Variants in TRPC4 observed in about 807,000 individuals in gnomAD.
The protein encoded by TRPC4 is short transient receptor potential channel 4.
A neutral mutation model predicts 99.4 loss-of-function variants in TRPC4; 49 were observed. That is an observed-to-expected ratio of 0.49 (90% CI 0.39 to 0.63). TRPC4 has a LOEUF of 0.63. Among genes scored for constraint, TRPC4 ranks in the 20% least tolerant of loss-of-function variants. The probability of loss-of-function intolerance (pLI) is 0.00; values close to 1 mark genes in which losing one functional copy is unlikely to be tolerated. For synonymous variants in TRPC4, 454 were observed against 425.9 expected (o/e 1.07, Z -0.81); for missense variants, 898 against 1,152.9 (o/e 0.78, Z 3.20).
intron 4 of TRPC4, among the ~76,000 whole-genome samples, chr13:37,685,748 A>G (rs949944636): frequency 6.6e-6 from 1 of 152,080 alleles, no homozygotes; most frequent in African/African-American, 2.4e-5. Flanking sequence ...TGTGTATCAA[A>G]TTTATATTGC....
chr13:37,665,090 A>G lies in TRPC4; in HGVS notation c.1375-1361T>C, dbSNP rs1952595361. 4.6e-5 allele frequency among the ~76,000 whole-genome samples: 7 copies of G among 152,210 alleles called. No homozygotes were observed. In the South Asian group the frequency reaches 1.4e-3, roughly 31 times the overall value. ...TAAGATGTTTTTCTCTTTCATTATG[A>G]CAAGTGTCAGAGTGAAACTTGGATA... On this transcript the variant is annotated intron_variant, in intron 5 of 10. Transcript: ENST00000379705.
At position 37,776,316 on chromosome 13, in the gene TRPC4, A is replaced by C. The variant is rs574722846; in HGVS notation, c.378+6640T>G. 3.8e-4 allele frequency among the ~76,000 whole-genome samples: 58 copies of C among 151,898 alleles called. 1 individual carries two copies. The highest frequency in any genetic ancestry group is 7.7e-4 in the Non-Finnish European group (52 of 67,916). On this transcript the variant is annotated intron_variant, in intron 2 of 10. Coordinates refer to ENST00000379705, the MANE Select transcript of TRPC4 (RefSeq NM_016179.4). ...CGGCAGAATAAGAAAATAGTCTAAG[A>C]AACTTTCCTATTGATAAATCGATAT...
intron 4 of TRPC4, among the ~76,000 whole-genome samples, chr13:37,677,766 A>C (rs746984857): frequency 6.6e-6 from 1 of 152,178 alleles, no homozygotes; most frequent in African/African-American, 2.4e-5. Context: ...ACAGAAATTT[A>C]GTAATGATAT....
chr13:37,689,854 T>G (rs984061535), intron 4 of TRPC4, among the ~76,000 whole-genome samples: 1 of 152,232 alleles, frequency 6.6e-6, no homozygotes, highest in Non-Finnish European at 1.5e-5. Flanking sequence ...TACCCATTTA[T>G]CCCAGTAAAA....
At chr13:37,786,683 C>G (rs1417038962) in intron 1 of TRPC4, among the ~76,000 whole-genome samples, 11 of 151,972 alleles carry the variant, frequency 7.2e-5, no homozygotes, top group Admixed American at 7.2e-4. Flanking sequence ...TGGTCCTCCA[C>G]TTTTAGAATA....
intron 3 of TRPC4, among the ~76,000 whole-genome samples, chr13:37,714,908 G>A (rs1380159698): frequency 6.6e-6 from 1 of 152,088 alleles, no homozygotes; most frequent in Non-Finnish European, 1.5e-5. Flanking sequence ...TTACACAAGG[G>A]CAAGAACTCT....
At chr13:37,842,343 C>CAAAAA (rs57428116) in intron 1 of TRPC4, among the ~76,000 whole-genome samples, 24 of 15,628 alleles carry the variant, frequency 1.5e-3, no homozygotes, top group African/African-American at 2.8e-3. Context: ...AGCGTCTAGC[C>CAAAAA]AAAAAAAAAA....
At chr13:37,850,622 A>T (rs755771820) in intron 1 of TRPC4, among the ~76,000 whole-genome samples, 5 of 152,240 alleles carry the variant, frequency 3.3e-5, no homozygotes, top group Non-Finnish European at 5.9e-5. Flanking sequence ...ATGTTTCAAC[A>T]TAAAAATTAA....
At chr13:37,673,025 T>C (rs180811314) in intron 5 of TRPC4, among the ~76,000 whole-genome samples, 121 of 152,042 alleles carry the variant, frequency 8.0e-4, no homozygotes, top group Admixed American at 2.6e-3. Context: ...ATACATGTGC[T>C]GTGTTGGTGT....
At chr13:37,650,633 A>ACACG (rs1366499551) in intron 8 of TRPC4, among the ~76,000 whole-genome samples, 2 of 150,964 alleles carry the variant, frequency 1.3e-5, no homozygotes, top group African/African-American at 4.9e-5. Flanking sequence ...ACACACACAC[A>ACACG]CATATATATA....
At chr13:37,854,366 C>T (rs1959131144) in intron 1 of TRPC4, among the ~76,000 whole-genome samples, 1 of 151,934 alleles carries the variant, frequency 6.6e-6, no homozygotes, top group African/African-American at 2.4e-5. Context: ...AAAGACTTTC[C>T]CAGACAAACA....
chr13:37,812,724 C>A (rs1957738089), intron 1 of TRPC4, among the ~76,000 whole-genome samples: 1 of 151,796 alleles, frequency 6.6e-6, no homozygotes, highest in African/African-American at 2.4e-5. Context: ...AGATGTTTTC[C>A]AAATTTGATA....
intron 5 of TRPC4, among the ~76,000 whole-genome samples, chr13:37,670,366 G>A (rs1232566789): frequency 1.3e-5 from 2 of 151,656 alleles, no homozygotes; most frequent in African/African-American, 2.4e-5. Flanking sequence ...GTTTTTTTTG[G>A]TCCAGTTCCA....
chr13:37,687,068 G>A (rs1346816668), intron 4 of TRPC4, among the ~76,000 whole-genome samples: 3 of 151,898 alleles, frequency 2.0e-5, no homozygotes, highest in African/African-American at 7.2e-5. Flanking sequence ...AGGTTCAAGC[G>A]ATTCTCCTGT....
chr13:37,754,492 A>G (rs1233934425), intron 2 of TRPC4, among the ~76,000 whole-genome samples: 1 of 152,148 alleles, frequency 6.6e-6, no homozygotes, highest in Non-Finnish European at 1.5e-5. Flanking sequence ...TACACCCAGG[A>G]AAACATATTG....
At chr13:37,856,391 A>G (rs1442485105) in intron 1 of TRPC4, among the ~76,000 whole-genome samples, 1 of 95,758 alleles carries the variant, frequency 1.0e-5, no homozygotes, top group African/African-American at 3.6e-5. Flanking sequence ...GTCTCCTAGT[A>G]AAAAAAAAAA....
intron 6 of TRPC4, among the ~76,000 whole-genome samples, chr13:37,657,432 T>C (rs1250282382): frequency 6.6e-6 from 1 of 152,256 alleles, no homozygotes; most frequent in African/African-American, 2.4e-5. Flanking sequence ...GAATTCTTTA[T>C]TTTTAGTAAC....
intron 1 of TRPC4, among the ~76,000 whole-genome samples, chr13:37,808,381 G>T (rs752332313): frequency 4.6e-5 from 7 of 151,996 alleles, no homozygotes. Context: ...AAAAAGAGGG[G>T]TATCCCACGT....
chr13:37,682,384 T>A (rs1006299962), intron 4 of TRPC4, among the ~76,000 whole-genome samples: 1 of 152,176 alleles, frequency 6.6e-6, no homozygotes, highest in Non-Finnish European at 1.5e-5. Flanking sequence ...ATAAAAGTAG[T>A]CTCTCATCAA....
Sources: gnomAD v4.1 joint callset for allele counts (sites outside exome capture counted in the v4.1 genomes callset) on GRCh38, gnomAD v4.1.1 for gene constraint, MANE v1.5 for transcripts, NCBI Gene and HGNC (gene_info 2026-07-23, HGNC 2026-07-21) for gene names.